Variants in HS3ST4 observed in about 807,000 individuals in gnomAD.
HS3ST4 encodes heparan sulfate glucosamine 3-O-sulfotransferase 4.
HS3ST4 carries 17 observed loss-of-function variants against 29.2 expected under a neutral mutation model. That is an observed-to-expected ratio of 0.58 (90% CI 0.40 to 0.87). The LOEUF (loss-of-function observed/expected upper bound fraction) is 0.87. Ranked by LOEUF, HS3ST4 falls within the 40% of genes least tolerant of loss-of-function variation. HS3ST4 has a pLI of 0.00. For missense variants in HS3ST4, 627 were observed against 634.5 expected, an observed-to-expected ratio of 0.99 and a Z score of 0.13; for synonymous variants, 314 against 285.7, an observed-to-expected ratio of 1.10 and a Z score of -1.00.
intron 1 of HS3ST4, among the ~76,000 whole-genome samples, chr16:26,009,631 T>C (rs963043508): frequency 1.3e-5 from 2 of 152,194 alleles, no homozygotes; most frequent in African/African-American, 4.8e-5. Context: ...CCATGTGGAA[T>C]GTTGCATGGA....
chr16:26,061,526 T>C (rs35630568), intron 1 of HS3ST4, among the ~76,000 whole-genome samples: 3 of 152,212 alleles, frequency 2.0e-5, no homozygotes, highest in Admixed American at 6.5e-5. Flanking sequence ...TTAAGAATCC[T>C]GGCCAGAAGC....
At chr16:25,818,497 C>T (rs913231232) in intron 1 of HS3ST4, among the ~76,000 whole-genome samples, 1 of 152,148 alleles carries the variant, frequency 6.6e-6, no homozygotes, top group African/African-American at 2.4e-5. Context: ...TGTAGCAGCC[C>T]AAACAGACTA....
chr16:25,865,664 A>G (rs1284626914), intron 1 of HS3ST4, among the ~76,000 whole-genome samples: 1 of 152,224 alleles, frequency 6.6e-6, no homozygotes, highest in Non-Finnish European at 1.5e-5. Context: ...TCAGAAGTAA[A>G]TCAATCAATT....
intron 1 of HS3ST4, among the ~76,000 whole-genome samples, chr16:25,836,203 A>T (rs1228993635): frequency 6.6e-6 from 1 of 152,174 alleles, no homozygotes; most frequent in African/African-American, 2.4e-5. Context: ...ACAAAAAAAT[A>T]AATTTCTGCT....
In HS3ST4 at chr16:25,692,653, C is replaced by G. The variant is rs764398116; in HGVS notation, c.236C>G (p.Pro79Arg). The G allele has an allele frequency of 7.4e-7, 1 of 1,352,382 alleles. No homozygotes were observed. Among genetic ancestry groups the G allele is most frequent in the Non-Finnish European group, 9.6e-7 (1 of 1,043,644 alleles). 83.8% of individuals were successfully genotyped at this position (1,352,382 alleles called of 1,614,324 possible). ...GCCGCCGCCGAGCCCCCGCCGAGCC[C>G]GCCGCCACCCTCTCTGCTGCCTACC... ...PGAAAEPPPSPPPPSLLPTPV... is the reference protein window; with the variant it reads ...PGAAAEPPPSRPPPSLLPTPV... The change falls in exon 1 of 2, where the codon CCG (proline) becomes CGG (arginine). Residue 79 changes from proline to arginine, a missense_variant. Around this residue, in one of 2 missense-constraint regions of HS3ST4, gnomAD observed 402 missense variants for 340.8 expected, o/e 1.18. Transcript: ENST00000331351.
chr16:25,873,363 T>C (rs1967780048), intron 1 of HS3ST4, among the ~76,000 whole-genome samples: 1 of 115,564 alleles, frequency 8.7e-6, no homozygotes, highest in African/African-American at 3.3e-5. Context: ...TCCATCCACC[T>C]AGCAAGCCAT....
chr16:25,820,335 G>A (rs1967137681), intron 1 of HS3ST4, among the ~76,000 whole-genome samples: 1 of 152,098 alleles, frequency 6.6e-6, no homozygotes, highest in African/African-American at 2.4e-5. Context: ...AAGGAACTTG[G>A]GCAAGTTAGG....
At chr16:25,932,145 C>G (rs1968470434) in intron 1 of HS3ST4, among the ~76,000 whole-genome samples, 1 of 152,186 alleles carries the variant, frequency 6.6e-6, no homozygotes, top group Admixed American at 6.5e-5. Context: ...GAGACCCTGT[C>G]TGTACAAAAA....
chr16:25,724,530 AT>A (rs1056920111), intron 1 of HS3ST4, among the ~76,000 whole-genome samples: 1 of 151,842 alleles, frequency 6.6e-6, no homozygotes, highest in African/African-American at 2.4e-5. Context: ...CGCCTGGCTC[AT>A]TTTTGTATTT....
intron 1 of HS3ST4, among the ~76,000 whole-genome samples, chr16:26,015,292 T>A (rs1969352575): frequency 6.6e-6 from 1 of 152,202 alleles, no homozygotes; most frequent in Non-Finnish European, 1.5e-5. Flanking sequence ...TTATGTTTAA[T>A]TATAGTGAAA....
chr16:25,803,454 A>C (rs901759016), intron 1 of HS3ST4, among the ~76,000 whole-genome samples: 2 of 152,180 alleles, frequency 1.3e-5, no homozygotes, highest in Admixed American at 1.3e-4. Flanking sequence ...GAGCCAGGAG[A>C]ATAGAAGATG....
At chr16:25,919,198 TA>T (rs1032541822) in intron 1 of HS3ST4, among the ~76,000 whole-genome samples, 5 of 152,078 alleles carry the variant, frequency 3.3e-5, no homozygotes, top group Admixed American at 3.3e-4. Flanking sequence ...TGGCTAATTT[TA>T]AAATTTTTTT....
At chr16:25,768,191 C>T (rs1271973652) in intron 1 of HS3ST4, among the ~76,000 whole-genome samples, 5 of 152,156 alleles carry the variant, frequency 3.3e-5, no homozygotes, top group Admixed American at 3.3e-4. Flanking sequence ...ACATTTGTGC[C>T]ACTTCTGTCT....
intron 1 of HS3ST4, among the ~76,000 whole-genome samples, chr16:25,930,861 C>T (rs994704053): frequency 2.4e-4 from 37 of 152,194 alleles, no homozygotes; most frequent in African/African-American, 8.7e-4. Context: ...CATGTATTTC[C>T]ATTCCTGATC....
rs911394387 is a variant in HS3ST4 at position 26,075,676 on chromosome 16, T to C, written c.735-59936T>C. ...ATGAGCCTTACATCCTTTTCTCAGC[T>C]GGCTGGGGTATAAATATGCTTGGAA... On this transcript the variant is annotated intron_variant, in intron 1 of 1. Coordinates refer to ENST00000331351, the MANE Select transcript of HS3ST4 (RefSeq NM_006040.3). Among the ~76,000 whole-genome samples, 17 of 152,314 alleles carry C rather than the reference T, an allele frequency of 1.1e-4. No individual in the cohort carries two copies. In the East Asian group the frequency reaches 3.3e-3, roughly 29 times the overall value.
At chr16:25,971,047 CA>C (rs1338721212) in intron 1 of HS3ST4, among the ~76,000 whole-genome samples, 2 of 151,906 alleles carry the variant, frequency 1.3e-5, no homozygotes, top group African/African-American at 4.8e-5. Flanking sequence ...GACGGGGTTT[CA>C]CCATGTTGGC....
In HS3ST4 at chr16:26,135,965, A is replaced by C. The variant is rs1202292663; in HGVS notation, c.1088A>C (p.Asp363Ala). Residue 363 changes from aspartate (D) to alanine (A), a missense_variant, in exon 2 of 2, where the codon GAC becomes GCC. By Grantham distance (126) the Asp-to-Ala change is moderately radical. Coordinates refer to ENST00000331351, the MANE Select transcript of HS3ST4 (RefSeq NM_006040.3). ...GTCAGTGGTGAGCGACTCATTGTGG[A>C]CCCCGCCGGGGAAATGGCCAAAGTA... ...LFVSGERLIV[D>A]PAGEMAKVQD... 1.2e-6 allele frequency: 2 copies of C among 1,613,706 alleles called. No homozygotes were observed. The highest frequency in any genetic ancestry group is 2.7e-5 in the African/African-American group (2 of 74,874).
chr16:26,113,351 C>A, intron 1 of HS3ST4, among the ~76,000 whole-genome samples: 1 of 150,892 alleles, frequency 6.6e-6, no homozygotes, highest in East Asian at 1.9e-4. Context: ...GAGGCTGAGG[C>A]AAGAGAATCG....
intron 1 of HS3ST4, among the ~76,000 whole-genome samples, chr16:25,802,739 T>A (rs906759713): frequency 6.6e-6 from 1 of 152,110 alleles, no homozygotes; most frequent in Non-Finnish European, 1.5e-5. Context: ...AGCAATGTAT[T>A]CGTTATGTTT....
Sources: gnomAD v4.1 joint callset for allele counts (sites outside exome capture counted in the v4.1 genomes callset) on GRCh38, gnomAD v4.1.1 for gene constraint, gnomAD v4.1.1 regional missense constraint, MANE v1.5 for transcripts, NCBI Gene and HGNC (gene_info 2026-07-23, HGNC 2026-07-21) for gene names.